SOX6: variants seen among roughly 807,000 people sequenced by gnomAD.
The protein encoded by SOX6 is transcription factor SOX-6.
SOX6 carries 11 observed loss-of-function variants against 97.8 expected under a neutral mutation model. The ratio of observed to expected loss-of-function variants is 0.11; its 90% CI spans 0.07 to 0.19. SOX6 has a LOEUF of 0.19. SOX6 is among the 10% of genes least tolerant of loss of function. The pLI, the probability that SOX6 is intolerant of heterozygous loss-of-function variation, is 1.00. For synonymous variants in SOX6, 360 were observed against 371.4 expected (o/e 0.97, Z 0.35); for missense variants, 810 against 1,039.5 (o/e 0.78, Z 3.04).
chr11:16,713,771 C>T (rs1245437568), intron 3 of SOX6, among the ~76,000 whole-genome samples: 1 of 152,226 alleles, frequency 6.6e-6, no homozygotes, highest in Admixed American at 6.5e-5. Context: ...GAAGCAATGT[C>T]ACAACTACAC....
At position 16,310,929 on chromosome 11, in the gene SOX6, A is replaced by G. The variant is rs1328274814; in HGVS notation, c.445+7517T>C. ...TGTGAATGTTAATTAAAAAAAAAACATGGGCTTTTAATAGATTTTTTGCTT... is the reference window on the plus strand; with the variant it reads ...TGTGAATGTTAATTAAAAAAAAAACGTGGGCTTTTAATAGATTTTTTGCTT... On this transcript the variant is annotated intron_variant, in intron 3 of 15. Transcript: ENST00000683767. Among the ~76,000 whole-genome samples the G allele has an allele frequency of 2.0e-5, 3 of 152,126 alleles. No homozygotes were observed. In the East Asian group the frequency reaches 5.8e-4, roughly 29 times the overall value.
rs556522637 is a variant in SOX6 at position 16,037,956 on chromosome 11, C to T, written c.1623+8558G>A. 2.0e-5 allele frequency among the ~76,000 whole-genome samples: 3 copies of T among 152,230 alleles called. No homozygotes were observed. The East Asian group carries it at 5.8e-4, about 29-fold the overall frequency. ...ATGAGGCCACTTATGTTGATTATAG[C>T]AGGCCTTTCATATCCATGAGTTCCA... On this transcript the variant is annotated intron_variant, in intron 12 of 15. Coordinates refer to ENST00000683767, the MANE Select transcript of SOX6 (RefSeq NM_001367873.1).
At chr11:16,012,420 C>G (rs1050258729) in intron 13 of SOX6, among the ~76,000 whole-genome samples, 1 of 151,918 alleles carries the variant, frequency 6.6e-6, no homozygotes, top group African/African-American at 2.4e-5. Flanking sequence ...CGTGAACCCC[C>G]AAAAGCACAT....
At chr11:16,164,246 G>A (rs1564992738) in intron 6 of SOX6, among the ~76,000 whole-genome samples, 1 of 152,134 alleles carries the variant, frequency 6.6e-6, no homozygotes, top group Non-Finnish European at 1.5e-5. Context: ...TAGGATTACA[G>A]GGGTGAGCCA....
intron 3 of SOX6, among the ~76,000 whole-genome samples, chr11:16,664,767 C>T (rs1010403174): frequency 2.0e-5 from 3 of 151,838 alleles, no homozygotes; most frequent in Non-Finnish European, 4.4e-5. Flanking sequence ...GGCAGTGCAG[C>T]CCACAGGTCC....
intron 4 of SOX6, among the ~76,000 whole-genome samples, chr11:16,195,874 A>G (rs535832538): frequency 6.6e-6 from 1 of 152,194 alleles, no homozygotes; most frequent in Non-Finnish European, 1.5e-5. Flanking sequence ...CCCCGGGTGC[A>G]GTGTATATGT....
chr11:16,183,259 T>C (rs72867904), intron 6 of SOX6, among the ~76,000 whole-genome samples: 1 of 152,126 alleles, frequency 6.6e-6, no homozygotes, highest in Non-Finnish European at 1.5e-5. Context: ...CCCCAGATCA[T>C]TGTAATTATG....
At position 16,198,025 on chromosome 11, in the gene SOX6, C is replaced by CTGTTGT. The variant is rs66685848; in HGVS notation, c.536-11076_536-11071dup. On this transcript the variant is annotated intron_variant, in intron 4 of 15. Coordinates refer to ENST00000683767, the MANE Select transcript of SOX6 (RefSeq NM_001367873.1). ...TTAGAAAAGCTTAATTCAAGATTTC[C>CTGTTGT]TGTTGTTGTTGTTGTTGTTGTTGTT... Among the ~76,000 whole-genome samples, 958 of 150,006 alleles carry CTGTTGT rather than the reference C, an allele frequency of 6.4e-3. 13 individuals are homozygous for CTGTTGT. Among genetic ancestry groups the CTGTTGT allele is most frequent in the African/African-American group, 0.022 (892 of 40,780 alleles).
chr11:16,457,897 G>A (rs1299378012), intron 1 of SOX6, among the ~76,000 whole-genome samples: 2 of 151,968 alleles, frequency 1.3e-5, no homozygotes, highest in Admixed American at 1.3e-4. Flanking sequence ...ACAGCATTGT[G>A]CTGAAGGTAT....
At chr11:16,637,045 T>C (rs1848800275) in intron 3 of SOX6, among the ~76,000 whole-genome samples, 1 of 152,210 alleles carries the variant, frequency 6.6e-6, no homozygotes, top group Non-Finnish European at 1.5e-5. Context: ...GTCTTCATTA[T>C]TTTTGTTGTT....
chr11:16,069,384 TTC>T (rs1848168918), intron 9 of SOX6, among the ~76,000 whole-genome samples: 1 of 152,208 alleles, frequency 6.6e-6, no homozygotes, highest in Non-Finnish European at 1.5e-5. Flanking sequence ...TTGTGTTCTG[TTC>T]TCTTAGTGAA....
chr11:16,280,270 T>C (rs1006841237), intron 3 of SOX6, among the ~76,000 whole-genome samples: 1 of 152,146 alleles, frequency 6.6e-6, no homozygotes, highest in African/African-American at 2.4e-5. Context: ...GATTTTGTCC[T>C]TGATTTATCA....
At chr11:16,358,896 C>T (rs1312695462), upstream of SOX6, among the ~76,000 whole-genome samples, 1 of 152,150 alleles carries the variant, frequency 6.6e-6, no homozygotes, top group Non-Finnish European at 1.5e-5. Context: ...TCTGTGTCTA[C>T]TACCTCTTTT....
chr11:16,417,361 T>C (rs1416203350), intron 1 of SOX6, among the ~76,000 whole-genome samples: 1 of 152,046 alleles, frequency 6.6e-6, no homozygotes, highest in Non-Finnish European at 1.5e-5. Context: ...CAGCAAAAAT[T>C]CACGACTGTG....
intron 1 of SOX6, among the ~76,000 whole-genome samples, chr11:16,431,841 T>A (rs1183887659): frequency 6.6e-6 from 1 of 152,126 alleles, no homozygotes; most frequent in East Asian, 1.9e-4. Context: ...TATTATCATG[T>A]TGACATTTTT....
intron 1 of SOX6, among the ~76,000 whole-genome samples, chr11:16,400,503 A>G (rs1219734315): frequency 6.6e-6 from 1 of 151,532 alleles, no homozygotes; most frequent in Non-Finnish European, 1.5e-5. Context: ...GAAAAGCTAT[A>G]AGTCACTGAT....
intron 12 of SOX6, among the ~76,000 whole-genome samples, chr11:16,026,124 A>G (rs1855210609): frequency 6.6e-6 from 1 of 152,110 alleles, no homozygotes. Flanking sequence ...CATCTGCAAA[A>G]TGAGGGAGTT....
At chr11:16,162,366 A>C (rs985500235) in intron 6 of SOX6, among the ~76,000 whole-genome samples, 1 of 152,172 alleles carries the variant, frequency 6.6e-6, no homozygotes, top group African/African-American at 2.4e-5. Flanking sequence ...CCCTTGATAT[A>C]GTTTGGATAT....
At chr11:16,282,570 G>T (rs5010561) in intron 3 of SOX6, among the ~76,000 whole-genome samples, 148,057 of 151,564 alleles carry the variant, frequency 0.98, 72,396 homozygotes, top group Middle Eastern at 1. Flanking sequence ...TTTAAGCCCA[G>T]TTTTAAATGG....
Sources: gnomAD v4.1 joint callset for allele counts (sites outside exome capture counted in the v4.1 genomes callset) on GRCh38, gnomAD v4.1.1 for gene constraint, MANE v1.5 for transcripts, NCBI Gene and HGNC (gene_info 2026-07-23, HGNC 2026-07-21) for gene names.